Variants in SBK1 observed in about 807,000 individuals in gnomAD.
The protein encoded by SBK1 is serine/threonine-protein kinase SBK1.
In SBK1, 11 loss-of-function variants were observed where a neutral mutation model predicts 24.4. That is an observed-to-expected ratio of 0.45 (90% CI 0.28 to 0.75). SBK1 has a LOEUF of 0.75. Among genes scored for constraint, SBK1 ranks in the 30% least tolerant of loss-of-function variants. SBK1 has a pLI of 0.12. For missense variants in SBK1, 467 were observed against 620.5 expected, an observed-to-expected ratio of 0.75 and a Z score of 2.63; for synonymous variants, 308 against 284.4, an observed-to-expected ratio of 1.08 and a Z score of -0.83.
intron 1 of SBK1, among the ~76,000 whole-genome samples, chr16:28,305,098 G>A (rs561441818): frequency 1.3e-5 from 2 of 152,002 alleles, no homozygotes; most frequent in Non-Finnish European, 2.9e-5. Flanking sequence ...TTACTTCTCT[G>A]TAAGGCAAGG....
At chr16:28,269,368 C>T (rs2044450003) in intron 1 of SBK1, among the ~76,000 whole-genome samples, 1 of 151,544 alleles carries the variant, frequency 6.6e-6, no homozygotes, top group South Asian at 2.1e-4. Context: ...AACCAAGCAG[C>T]CACCTCCATG....
chr16:28,276,984 T>C (rs1163963436), intron 1 of SBK1, among the ~76,000 whole-genome samples: 1 of 152,016 alleles, frequency 6.6e-6, no homozygotes, highest in African/African-American at 2.4e-5. Flanking sequence ...AGCTGATGCC[T>C]GCAGGTACCA....
chr16:28,298,212 C>T (rs973248758), intron 1 of SBK1, among the ~76,000 whole-genome samples: 3 of 152,242 alleles, frequency 2.0e-5, no homozygotes, highest in African/African-American at 7.2e-5. Flanking sequence ...ACCCTCCCAT[C>T]GCCCCACAAT....
intron 1 of SBK1, among the ~76,000 whole-genome samples, chr16:28,299,608 C>T (rs763370690): frequency 2.6e-5 from 4 of 152,124 alleles, no homozygotes; most frequent in Non-Finnish European, 2.9e-5. Context: ...CAGGCCTCCC[C>T]GAGAAACCTC....
At chr16:28,316,015 T>C (rs376738439) in intron 1 of SBK1, among the ~76,000 whole-genome samples, 1 of 152,130 alleles carries the variant, frequency 6.6e-6, no homozygotes, top group East Asian at 1.9e-4. Context: ...ATCCGCCCAC[T>C]CAGCCTCCCA....
intron 1 of SBK1, among the ~76,000 whole-genome samples, chr16:28,279,683 T>C (rs2044517712): frequency 6.6e-6 from 1 of 152,056 alleles, no homozygotes; most frequent in Admixed American, 6.6e-5. Context: ...GGACAGCTGG[T>C]GGCCTTCGAG....
At chr16:28,271,166 G>A (rs573255273) in intron 1 of SBK1, among the ~76,000 whole-genome samples, 2 of 152,066 alleles carry the variant, frequency 1.3e-5, no homozygotes, top group African/African-American at 4.8e-5. Flanking sequence ...CCCGGCCTAC[G>A]CACCCTTACT....
At chr16:28,284,211 A>G (rs1248495987) in intron 1 of SBK1, among the ~76,000 whole-genome samples, 1 of 152,258 alleles carries the variant, frequency 6.6e-6, no homozygotes, top group East Asian at 1.9e-4. Context: ...TCTCAGGGTC[A>G]GTTTCTGGGA....
At chr16:28,268,289 C>T (rs1275983961) in intron 1 of SBK1, among the ~76,000 whole-genome samples, 1 of 151,840 alleles carries the variant, frequency 6.6e-6, no homozygotes, top group Admixed American at 6.6e-5. Flanking sequence ...GTCAACTAGG[C>T]TGGAGTGCAG....
chr16:28,319,396 G>A lies in SBK1; in HGVS notation c.429+199G>A, dbSNP rs927690988. ...AGTGGGAAACTGACACTCCACAGCG[G>A]GCCAGATAATAACAGATGGAGATGA... On this transcript the variant is annotated intron_variant, in intron 3 of 3. Coordinates refer to ENST00000341901, the MANE Select transcript of SBK1 (RefSeq NM_001024401.3). The surrounding 1 kb of genome is among the most constrained non-coding windows in gnomAD (Gnocchi z 4.0). 3.3e-5 allele frequency among the ~76,000 whole-genome samples: 5 copies of A among 152,132 alleles called. No homozygotes were observed. Among genetic ancestry groups the A allele is most frequent in the Non-Finnish European group, 5.9e-5 (4 of 68,026 alleles).
intron 1 of SBK1, among the ~76,000 whole-genome samples, chr16:28,305,571 G>A (rs1159183209): frequency 1.4e-5 from 2 of 145,298 alleles, no homozygotes; most frequent in East Asian, 2.0e-4. Context: ...TTTCTCTGTC[G>A]TCCAGGCTGG....
chr16:28,314,284 G>A (rs2044776174), intron 1 of SBK1, among the ~76,000 whole-genome samples: 1 of 150,242 alleles, frequency 6.7e-6, no homozygotes, highest in African/African-American at 2.5e-5. Flanking sequence ...AGCCTCCTGA[G>A]TAGCTGGGAC....
chr16:28,261,434 C>G (rs988978516), intron 1 of SBK1, among the ~76,000 whole-genome samples: 154 of 63,152 alleles, frequency 2.4e-3, no homozygotes, highest in African/African-American at 6.8e-3. Context: ...CGTCTACACA[C>G]ACACACACAC....
intron 1 of SBK1, among the ~76,000 whole-genome samples, chr16:28,280,171 G>GTGTGTA (rs1247488558): frequency 6.4e-5 from 7 of 109,576 alleles, no homozygotes; most frequent in African/African-American, 2.3e-4. Flanking sequence ...GTGTGTGTGT[G>GTGTGTA]TATGTATATA....
chr16:28,261,943 G>A (rs2044400397), intron 1 of SBK1, among the ~76,000 whole-genome samples: 2 of 152,164 alleles, frequency 1.3e-5, no homozygotes, highest in Admixed American at 1.3e-4. Flanking sequence ...GAGTATGGTA[G>A]CCTATGTTTG....
intron 1 of SBK1, among the ~76,000 whole-genome samples, chr16:28,299,371 G>A (rs149166335): frequency 6.7e-4 from 102 of 152,320 alleles, no homozygotes; most frequent in African/African-American, 2.3e-3. Flanking sequence ...TGGAAAAACT[G>A]GAGGTGTATG....
At chr16:28,286,564 A>G (rs938969608) in intron 1 of SBK1, 1 of 152,212 alleles carries the variant, frequency 6.6e-6, no homozygotes, top group Non-Finnish European at 1.5e-5. Flanking sequence ...AATCCCAGCT[A>G]CTTGGGAGGC....
At chr16:28,270,157 G>C (rs1192871442) in intron 1 of SBK1, among the ~76,000 whole-genome samples, 1 of 151,694 alleles carries the variant, frequency 6.6e-6, no homozygotes, top group African/African-American at 2.4e-5. Context: ...CGCCTCCCAG[G>C]TTCAAGCGAT....
chr16:28,309,279 C>T (rs1042784483), intron 1 of SBK1, among the ~76,000 whole-genome samples: 2 of 152,196 alleles, frequency 1.3e-5, no homozygotes, highest in South Asian at 2.1e-4. Context: ...CACTTCTGTG[C>T]ACATTCCAGT....
Sources: allele counts gnomAD v4.1 joint callset (sites outside exome capture counted in the v4.1 genomes callset), GRCh38; gene constraint gnomAD v4.1.1; non-coding constraint Gnocchi (gnomAD v3.1); transcripts MANE v1.5; gene names NCBI Gene and HGNC (gene_info 2026-07-23, HGNC 2026-07-21).